The following UBXN4 variants were observed in gnomAD, a reference collection of about 807,000 sequenced individuals.
UBXN4 encodes the protein UBX domain-containing protein 4.
UBXN4 carries 35 observed loss-of-function variants against 66.2 expected under a neutral mutation model. That is an observed-to-expected ratio of 0.53 (90% CI 0.40 to 0.70). The LOEUF (loss-of-function observed/expected upper bound fraction) is 0.70, where lower values mean the gene tolerates loss of function less well. UBXN4 is among the 30% of genes least tolerant of loss of function. The probability of loss-of-function intolerance (pLI) is 0.00; values close to 1 mark genes in which losing one functional copy is unlikely to be tolerated. For missense variants in UBXN4, 533 were observed against 599.8 expected, an observed-to-expected ratio of 0.89 and a Z score of 1.16; for synonymous variants, 203 against 204.5, an observed-to-expected ratio of 0.99 and a Z score of 0.06.
At position 135,765,087 on chromosome 2, in the gene UBXN4, T is replaced by G. The variant is rs79133508; in HGVS notation, c.602+3176T>G. Reference sequence around the variant, plus strand: ...CCTTGGCTTCTTCAAGTGCTGAGATTACAGGCTTGAGCCACCACGTCTGGC... The same window carrying G: ...CCTTGGCTTCTTCAAGTGCTGAGATGACAGGCTTGAGCCACCACGTCTGGC... On this transcript the variant is annotated intron_variant, in intron 6 of 12. Coordinates refer to ENST00000272638, the MANE Select transcript of UBXN4 (RefSeq NM_014607.4). Among the ~76,000 whole-genome samples, 1,590 of 152,344 alleles carry G rather than the reference T, an allele frequency of 0.01. 99 individuals carry two copies. The East Asian group carries it at 0.19, about 18-fold the overall frequency.
chr2:135,769,701 C>A, intron 6 of UBXN4, 68 bp from the exon 7 acceptor site: 1 of 1,148,154 alleles, frequency 8.7e-7, no homozygotes, highest in Non-Finnish European at 1.2e-6. Context: ...CTAAATCCAT[C>A]TCCTAAATGT....
intron 6 of UBXN4, among the ~76,000 whole-genome samples, chr2:135,768,350 CACCACACCTGGCTAATTTT>C (rs1313282130): frequency 6.6e-6 from 1 of 151,424 alleles, no homozygotes; most frequent in Non-Finnish European, 1.5e-5. Flanking sequence ...AGGCGCATGC[CACCACACCTGGCTAATTTT>C]TGTATTTTTA....
At chr2:135,759,266 C>T (rs578008828) in intron 5 of UBXN4, among the ~76,000 whole-genome samples, 2 of 152,194 alleles carry the variant, frequency 1.3e-5, no homozygotes, top group Admixed American at 1.3e-4. Context: ...ATATCAATAT[C>T]TAAAAGATAA....
At chr2:135,765,247 T>C (rs1028165489) in intron 6 of UBXN4, among the ~76,000 whole-genome samples, 1 of 151,956 alleles carries the variant, frequency 6.6e-6, no homozygotes, top group African/African-American at 2.4e-5. Flanking sequence ...TTTGCTCTTG[T>C]CGCCCAAGCT....
chr2:135,780,023 A>C (rs2077440173), intron 11 of UBXN4, 160 bp from the exon 12 acceptor site: 1 of 604,622 alleles, frequency 1.7e-6, no homozygotes, highest in Non-Finnish European at 2.9e-6. Context: ...TCAGAAGTTT[A>C]TATATACGTG....
chr2:135,772,318 G>T, intron 8 of UBXN4, 102 bp from the exon 9 acceptor site: 3 of 1,403,622 alleles, frequency 2.1e-6, no homozygotes, highest in African/African-American at 1.5e-5. Context: ...GCAAGACCCT[G>T]TCTCTTAATA....
At position 135,768,815 on chromosome 2, in the gene UBXN4, G is replaced by A. The variant is rs149956708; in HGVS notation, c.603-954G>A. Reference sequence around the variant, plus strand: ...TGACCTCAATTGATCCGCCTGCCTCGGCCTCCCAAAGTGCTGGGATTGATT... The same window carrying A: ...TGACCTCAATTGATCCGCCTGCCTCAGCCTCCCAAAGTGCTGGGATTGATT... On this transcript the variant is annotated intron_variant, in intron 6 of 12. Coordinates refer to ENST00000272638, the MANE Select transcript of UBXN4 (RefSeq NM_014607.4). Among the ~76,000 whole-genome samples the A allele has an allele frequency of 9.8e-4, 149 of 151,954 alleles. 1 individual carries two copies. Among genetic ancestry groups the A allele is most frequent in the African/African-American group, 3.2e-3 (133 of 41,428 alleles).
In UBXN4 at chr2:135,782,932, T is replaced by G. The variant is rs369790270; in HGVS notation, c.*45T>G. 1.7e-5 allele frequency: 26 copies of G among 1,564,358 alleles called. No individual in the cohort carries two copies. The highest frequency in any genetic ancestry group is 3.7e-4 in the Middle Eastern group (2 of 5,346). The stretch of plus-strand genomic sequence containing the variant: ...GCAATAATCATTGTTTCTCTTATGA[T>G]TTAATTCAACTAAAATTCTACTGGA... On this transcript the variant is annotated 3_prime_UTR_variant, in exon 13 of 13. Coordinates refer to ENST00000272638, the MANE Select transcript of UBXN4 (RefSeq NM_014607.4).
At chr2:135,749,644 T>A (rs899481494) in intron 2 of UBXN4, among the ~76,000 whole-genome samples, 1 of 152,218 alleles carries the variant, frequency 6.6e-6, no homozygotes, top group African/African-American at 2.4e-5. Flanking sequence ...GTATTGTTAA[T>A]TTTTTAAGCA....
chr2:135,750,950 G>A (rs1413046292), intron 2 of UBXN4, among the ~76,000 whole-genome samples: 3 of 138,916 alleles, frequency 2.2e-5, no homozygotes, highest in Non-Finnish European at 3.0e-5. Flanking sequence ...CCGCCTCCCG[G>A]GTTCACGCCA....
chr2:135,765,397 G>A (rs2077341103), intron 6 of UBXN4, among the ~76,000 whole-genome samples: 1 of 151,552 alleles, frequency 6.6e-6, no homozygotes, highest in South Asian at 2.1e-4. Context: ...TTTAGTAGAG[G>A]CAGGGGTTTC....
chr2:135,778,986 C>T lies in UBXN4; in HGVS notation c.1092C>T (p.Thr364=). Residue 364 remains threonine, a synonymous_variant, in exon 11 of 13, where the codon ACC becomes ACT. Transcript: ENST00000272638. ...GNTYGNFSLA[T]MFPRREFTKE... ...CTTACGGTAATTTTTCGTTAGCAACCATGTTTCCCAGGAGGGAATTTACCA... is the reference window on the plus strand; with the variant it reads ...CTTACGGTAATTTTTCGTTAGCAACTATGTTTCCCAGGAGGGAATTTACCA... 1 of 1,612,922 alleles carries T rather than the reference C, an allele frequency of 6.2e-7. No individual in the cohort carries two copies. Among genetic ancestry groups the T allele is most frequent in the East Asian group, 2.2e-5 (1 of 44,820 alleles).
At position 135,755,600 on chromosome 2, in the gene UBXN4, A is replaced by C; in HGVS notation, c.417A>C (p.Glu139Asp). 1 of 1,610,146 alleles carries C rather than the reference A, an allele frequency of 6.2e-7. No individual in the cohort carries two copies. Among genetic ancestry groups the C allele is most frequent in the South Asian group, 1.1e-5 (1 of 90,448 alleles). The change falls in exon 5 of 13, where the codon GAA (glutamate) becomes GAC (aspartate). Residue 139 changes from glutamate (E) to aspartate (D), a missense_variant. Glu to Asp is a conservative substitution (Grantham distance 45). Around this residue, in one of 2 missense-constraint regions of UBXN4, gnomAD observed 529 missense variants for 580.1 expected, o/e 0.91. Transcript: ENST00000272638. ...SSVSTPSASF[E>D]PNNTCENSQS... ...TGTCTACTCCATCTGCGTCATTTGA[A>C]CCTAACAACACTTGTGAAAACTCTC...
Position 135,761,318 on chromosome 2 carries a change from G to C in UBXN4, c.509-500G>C, listed in dbSNP as rs547490327. 7.2e-5 allele frequency among the ~76,000 whole-genome samples: 11 copies of C among 152,344 alleles called. No homozygotes were observed. In the South Asian group the frequency reaches 2.3e-3, roughly 32 times the overall value. On this transcript the variant is annotated intron_variant, in intron 5 of 12. Transcript: ENST00000272638. ...CAGCAGAAGCAGATTCCTTGGACCA[G>C]TGTAAGTCCAGAGCCATACCCAGGA...
chr2:135,780,433 A>G lies in UBXN4; in HGVS notation c.1388+48A>G, dbSNP rs746791414. ...TTTATAAAATATGTAAGTCATGCCCAGTATCTTTTTTAAGTAAAAAGTTGA... is the reference window on the plus strand; with the variant it reads ...TTTATAAAATATGTAAGTCATGCCCGGTATCTTTTTTAAGTAAAAAGTTGA... On this transcript the variant is annotated intron_variant, in intron 12 of 12. Transcript: ENST00000272638. 7 of 1,573,914 alleles carry G rather than the reference A, an allele frequency of 4.4e-6. No homozygotes were observed. In the Admixed American group the frequency reaches 1.0e-4, roughly 23 times the overall value.
chr2:135,780,680 T>C (rs963205209), intron 12 of UBXN4, among the ~76,000 whole-genome samples: 2 of 152,250 alleles, frequency 1.3e-5, no homozygotes, highest in Non-Finnish European at 1.5e-5. Context: ...AGGCAGATTT[T>C]TTTTTCTAGT....
chr2:135,753,913 G>T (rs971443998), intron 3 of UBXN4: 122 of 462,272 alleles, frequency 2.6e-4, no homozygotes, highest in Non-Finnish European at 4.2e-4. Flanking sequence ...CAGCAAGATG[G>T]ATAGAAAAGG....
In UBXN4 at chr2:135,741,912, C is replaced by T; in HGVS notation, c.-18C>T. ...CGGAGACTACACACCGAGCGAGCGC[C>T]TGGGCCCGAAGGGAGCGATGCTGTG... On this transcript the variant is annotated 5_prime_UTR_variant, in exon 1 of 13. Transcript: ENST00000272638. 6.2e-7 allele frequency: 1 copy of T among 1,608,480 alleles called. No individual in the cohort carries two copies. The highest frequency in any genetic ancestry group is 8.5e-7 in the Non-Finnish European group (1 of 1,177,804).
In UBXN4 at chr2:135,773,787, A is replaced by T. The variant is rs749727961; in HGVS notation, c.950+1240A>T. Among the ~76,000 whole-genome samples, 20 of 152,252 alleles carry T rather than the reference A, an allele frequency of 1.3e-4. 1 individual carries two copies. The highest frequency in any genetic ancestry group is 4.1e-4 in the South Asian group (2 of 4,834). ...GTATTTTGTAATCAGAAAAATTTTT[A>T]AAAATAATTTTCCAAAAATAATGAA... On this transcript the variant is annotated intron_variant, in intron 9 of 12. Transcript: ENST00000272638.
Sources: allele counts gnomAD v4.1 joint callset (sites outside exome capture counted in the v4.1 genomes callset), GRCh38; gene constraint gnomAD v4.1.1; regional missense constraint gnomAD v4.1.1; transcripts MANE v1.5; gene names NCBI Gene and HGNC (gene_info 2026-07-23, HGNC 2026-07-21).